The following ARHGEF10L variants were observed in gnomAD, a reference collection of about 807,000 sequenced individuals.
ARHGEF10L encodes the protein rho guanine nucleotide exchange factor 10-like protein.
In ARHGEF10L, 69 loss-of-function variants were observed where a neutral mutation model predicts 141.2. That is an observed-to-expected ratio of 0.49 (90% CI 0.40 to 0.60). The LOEUF (loss-of-function observed/expected upper bound fraction) is 0.60, where lower values mean the gene tolerates loss of function less well. Ranked by LOEUF, ARHGEF10L falls within the 20% of genes least tolerant of loss-of-function variation. The pLI is 0.00. For missense variants in ARHGEF10L, 1,482 were observed against 1,734.3 expected (o/e 0.85, Z 2.58); for synonymous variants, 711 against 718.5 (o/e 0.99, Z 0.17).
At chr1:17,642,778 A>G (rs1259704734) in intron 21 of ARHGEF10L, among the ~76,000 whole-genome samples, 1 of 152,222 alleles carries the variant, frequency 6.6e-6, no homozygotes, top group Non-Finnish European at 1.5e-5. Flanking sequence ...GCCCTCAGAA[A>G]GGCTAATGTG....
intron 1 of ARHGEF10L, among the ~76,000 whole-genome samples, chr1:17,563,880 G>A (rs1038725426): frequency 2.0e-5 from 3 of 152,118 alleles, no homozygotes; most frequent in Admixed American, 6.6e-5. Context: ...AGACCCCTCC[G>A]TCGTCTGAGA....
chr1:17,668,930 G>A (rs933328356), intron 26 of ARHGEF10L, among the ~76,000 whole-genome samples: 3 of 152,140 alleles, frequency 2.0e-5, no homozygotes, highest in South Asian at 2.1e-4. Context: ...TGGGCTGCCC[G>A]GCTCCACGCT....
chr1:17,582,856 TC>T (rs1234758567), intron 2 of ARHGEF10L, among the ~76,000 whole-genome samples: 2 of 151,740 alleles, frequency 1.3e-5, no homozygotes, highest in African/African-American at 2.4e-5. Context: ...TACCTTTCCT[TC>T]CCCCTCCCTG....
chr1:17,619,525 G>A lies in ARHGEF10L; in HGVS notation c.942+80G>A, dbSNP rs555211868. 3.2e-4 allele frequency: 373 copies of A among 1,167,576 alleles called. 2 individuals carry two copies. In the African/African-American group the frequency reaches 5.4e-3, roughly 17 times the overall value. The allele number at this position is 1,167,576 out of a possible 1,614,324, so 72.3% of individuals were successfully genotyped here. On this transcript the variant is annotated intron_variant, in intron 10 of 28. Coordinates refer to ENST00000361221, the MANE Select transcript of ARHGEF10L (RefSeq NM_018125.4). The surrounding 1 kb of genome is among the most constrained non-coding windows in gnomAD (Gnocchi z 5.0). ...GTTCCAGCCTGTTCTCTGGGGCCAC[G>A]CTTGTCTGGATCTCACAGGGGATAT...
chr1:17,656,807 G>T lies in ARHGEF10L; in HGVS notation c.2860+99G>T, dbSNP rs551758302. On this transcript the variant is annotated intron_variant, in intron 25 of 28. Transcript: ENST00000361221. This position sits in a 1 kb window ranked among gnomAD's most constrained non-coding sequence, Gnocchi z 4.9. ...AGGATACAGGAGGCTGGGCAGGAAT[G>T]AATTGGGAAATCTCAGTGCTGAGGG... The T allele has an allele frequency of 2.8e-6, 4 of 1,431,936 alleles. No homozygotes were observed. The East Asian group carries it at 9.5e-5, about 34-fold the overall frequency. The allele number at this position is 1,431,936 out of a possible 1,614,324, so 88.7% of individuals were successfully genotyped here.
rs569187179 is a variant in ARHGEF10L, at chr1:17,656,315, G to A, written c.2705+213G>A. Among the ~76,000 whole-genome samples, 1 of 152,318 alleles carries A rather than the reference G, an allele frequency of 6.6e-6. No individual in the cohort carries two copies. Among genetic ancestry groups the A allele is most frequent in the East Asian group, 1.9e-4 (1 of 5,180 alleles). ...TGCCTGGCTCCTCCCAGGCAGAATG[G>A]CTGGCTCTTTTGCCTCCCTGAGTCC... On this transcript the variant is annotated intron_variant, in intron 24 of 28. Transcript: ENST00000361221. The surrounding 1 kb of genome is among the most constrained non-coding windows in gnomAD (Gnocchi z 4.9).
At chr1:17,597,385 C>T (rs1470480897) in intron 4 of ARHGEF10L, among the ~76,000 whole-genome samples, 1 of 152,086 alleles carries the variant, frequency 6.6e-6, no homozygotes, top group Non-Finnish European at 1.5e-5. Context: ...GGAGAGGCTG[C>T]TCCGGGTGGG....
intron 26 of ARHGEF10L, among the ~76,000 whole-genome samples, chr1:17,672,034 C>T (rs1011295226): frequency 1.3e-5 from 2 of 152,116 alleles, no homozygotes; most frequent in African/African-American, 2.4e-5. Flanking sequence ...TCCTGAAGCG[C>T]GTGCGGTCAG....
intron 16 of ARHGEF10L, 109 bp downstream of exon 16, chr1:17,632,575 G>A: frequency 7.0e-7 from 1 of 1,431,120 alleles, no homozygotes; most frequent in Non-Finnish European, 9.7e-7. Flanking sequence ...ATGTGAGCTT[G>A]GTTTAGGCTT....
At chr1:17,542,107 C>G (rs1437549225) in intron 1 of ARHGEF10L, among the ~76,000 whole-genome samples, 1 of 151,284 alleles carries the variant, frequency 6.6e-6, no homozygotes, top group Admixed American at 6.6e-5. Context: ...CCACTGCACT[C>G]CAGCCTGGGT....
In ARHGEF10L at chr1:17,619,925, A is replaced by T. The variant is rs2060016412; in HGVS notation, c.942+480A>T. 6.6e-6 allele frequency among the ~76,000 whole-genome samples: 1 copy of T among 152,072 alleles called. No individual in the cohort carries two copies. The highest frequency in any genetic ancestry group is 1.5e-5 in the Non-Finnish European group (1 of 68,024). On this transcript the variant is annotated intron_variant, in intron 10 of 28. Transcript: ENST00000361221. The surrounding 1 kb of genome is among the most constrained non-coding windows in gnomAD (Gnocchi z 5.0). Reference sequence around the variant, plus strand: ...CTTCCTTGGCTGGGTGCGGTGGCTCATGCCTGTAACCCCAGCACTTTGGGA... The same window carrying T: ...CTTCCTTGGCTGGGTGCGGTGGCTCTTGCCTGTAACCCCAGCACTTTGGGA...
intron 1 of ARHGEF10L, among the ~76,000 whole-genome samples, chr1:17,544,296 A>AT (rs574831100): frequency 1.2e-4 from 18 of 144,144 alleles, no homozygotes; most frequent in Admixed American, 2.8e-4. Context: ...ATATATAATA[A>AT]TTTTTTTTTT....
chr1:17,576,028 A>G (rs2078207965), intron 1 of ARHGEF10L, among the ~76,000 whole-genome samples: 1 of 151,986 alleles, frequency 6.6e-6, no homozygotes, highest in African/African-American at 2.4e-5. Context: ...TTCTGCCTGG[A>G]CCTTGTTAGA....
In ARHGEF10L at chr1:17,558,792, C is replaced by A. The variant is rs954942878; in HGVS notation, c.-44+18842C>A. 2.0e-5 allele frequency among the ~76,000 whole-genome samples: 3 copies of A among 152,184 alleles called. No homozygotes were observed. Among genetic ancestry groups the A allele is most frequent in the Non-Finnish European group, 4.4e-5 (3 of 68,032 alleles). The stretch of plus-strand genomic sequence containing the variant: ...CAGAAAGGATGCCCTGTGAACCTCA[C>A]TGAGGAGCTGTGGCTCTGTGGGGCC... On this transcript the variant is annotated intron_variant, in intron 1 of 28. Transcript: ENST00000361221. This position sits in a 1 kb window ranked among gnomAD's most constrained non-coding sequence, Gnocchi z 4.2.
chr1:17,653,499 G>A (rs1342490439), intron 22 of ARHGEF10L, among the ~76,000 whole-genome samples: 1 of 152,194 alleles, frequency 6.6e-6, no homozygotes, highest in African/African-American at 2.4e-5. Flanking sequence ...CTCCACCAAG[G>A]GAGCAGAGAG....
chr1:17,514,415 C>T, the ARHGEF10L span, among the ~76,000 whole-genome samples: 5 of 152,204 alleles, frequency 3.3e-5, no homozygotes, highest in South Asian at 2.1e-4. Context: ...GGATTACAGG[C>T]GTGAGCCACT....
chr1:17,676,108 ACGTGCAGGCATG>A (rs1169460025), intron 26 of ARHGEF10L, among the ~76,000 whole-genome samples: 1 of 81,258 alleles, frequency 1.2e-5, no homozygotes, highest in East Asian at 4.1e-4. Context: ...GTGCAGGTGT[ACGTGCAGGCATG>A]GGTGCAGGCG....
intron 9 of ARHGEF10L, among the ~76,000 whole-genome samples, chr1:17,617,994 G>C (rs2059900671): frequency 6.6e-6 from 1 of 152,206 alleles, no homozygotes; most frequent in African/African-American, 2.4e-5. Context: ...AACATGGGTT[G>C]AGCCCCACCC....
rs7529552 is a variant in ARHGEF10L, at chr1:17,663,907, G to T, written c.2861-540G>T. ...CACCATATCATGCTGCCTCTTCTGA[G>T]AAGCCTCCCTGGATTTCCCCTGGTG... On this transcript the variant is annotated intron_variant, in intron 25 of 28. Transcript: ENST00000361221. Among the ~76,000 whole-genome samples, 1,288 of 152,318 alleles carry T rather than the reference G, an allele frequency of 8.5e-3. 23 individuals are homozygous for T. Among genetic ancestry groups the T allele is most frequent in the African/African-American group, 0.03 (1,249 of 41,562 alleles).
Sources: gnomAD v4.1 joint callset for allele counts (sites outside exome capture counted in the v4.1 genomes callset) on GRCh38, gnomAD v4.1.1 for gene constraint, Gnocchi (gnomAD v3.1) non-coding constraint, MANE v1.5 for transcripts, NCBI Gene and HGNC (gene_info 2026-07-23, HGNC 2026-07-21) for gene names.